MGAT5: variants seen among roughly 807,000 people sequenced by gnomAD.
MGAT5 encodes alpha-1,6-mannosylglycoprotein 6-beta-N-acetylglucosaminyltransferase A.
In MGAT5, 30 loss-of-function variants were observed where a neutral mutation model predicts 94.3. The observed-to-expected ratio is 0.32, with a 90% CI of 0.24 to 0.43. MGAT5 has a LOEUF of 0.43. Among genes scored for constraint, MGAT5 ranks in the 20% least tolerant of loss-of-function variants. MGAT5 has a pLI of 1.00. For missense variants in MGAT5, 691 were observed against 905.5 expected (o/e 0.76, Z 3.04); for synonymous variants, 310 against 322.9 (o/e 0.96, Z 0.43).
intron 1 of MGAT5, among the ~76,000 whole-genome samples, chr2:134,237,961 G>A (rs553054125): frequency 2.0e-5 from 3 of 152,028 alleles, no homozygotes; most frequent in Non-Finnish European, 4.4e-5. Context: ...ATGTTGGCCA[G>A]GCTGATCTCC....
chr2:134,313,259 G>T (rs1248819459), intron 2 of MGAT5, among the ~76,000 whole-genome samples: 1 of 152,138 alleles, frequency 6.6e-6, no homozygotes, highest in Non-Finnish European at 1.5e-5. Flanking sequence ...GCGTGTATTT[G>T]TGACATCTCG....
At chr2:134,327,030 T>A (rs1687685851) in intron 4 of MGAT5, among the ~76,000 whole-genome samples, 2 of 152,152 alleles carry the variant, frequency 1.3e-5, no homozygotes, top group Non-Finnish European at 2.9e-5. Context: ...TACAATGATG[T>A]CTGGCACATG....
At chr2:134,153,711 T>C (rs1687337943) in intron 1 of MGAT5, among the ~76,000 whole-genome samples, 1 of 152,188 alleles carries the variant, frequency 6.6e-6, no homozygotes, top group Non-Finnish European at 1.5e-5. Context: ...TAGGCCCTGC[T>C]GGGTGATTAA....
intron 10 of MGAT5, among the ~76,000 whole-genome samples, chr2:134,387,353 T>TTTA (rs397985933): frequency 7.5e-6 from 1 of 133,588 alleles, no homozygotes; most frequent in Non-Finnish European, 1.6e-5. Context: ...TTTTTTTTTT[T>TTTA]ACCAAACCAG....
intron 4 of MGAT5, among the ~76,000 whole-genome samples, chr2:134,319,213 T>C (rs1287282294): frequency 1.3e-5 from 2 of 152,200 alleles, no homozygotes; most frequent in Admixed American, 1.3e-4. Flanking sequence ...GGTAACTGTA[T>C]TGTTAATTTT....
chr2:134,248,529 G>T (rs1419214684), intron 1 of MGAT5, among the ~76,000 whole-genome samples: 2 of 152,202 alleles, frequency 1.3e-5, no homozygotes, highest in Non-Finnish European at 2.9e-5. Context: ...AAATTGGGTG[G>T]ACACAGTGAC....
chr2:134,418,377 A>G (rs557657834), intron 12 of MGAT5, among the ~76,000 whole-genome samples: 1 of 152,220 alleles, frequency 6.6e-6, no homozygotes, highest in Middle Eastern at 3.4e-3. Context: ...ATGTGACTCT[A>G]TTAGAGAAAC....
chr2:134,204,392 CTCTCAAGTTGACT>C (rs1679936736), intron 1 of MGAT5, among the ~76,000 whole-genome samples: 1 of 152,160 alleles, frequency 6.6e-6, no homozygotes, highest in Non-Finnish European at 1.5e-5. Context: ...TTAGCCAAGT[CTCTCAAGTTGACT>C]TGAGAGACTC....
At chr2:134,164,858 C>A (rs10191872) in intron 1 of MGAT5, among the ~76,000 whole-genome samples, 61,360 of 150,198 alleles carry the variant, frequency 0.41, 15,915 homozygotes, top group African/African-American at 0.73. Context: ...AAAACCAAAC[C>A]AAACAAAGCA....
At chr2:134,432,236 A>G (rs916519156) in intron 14 of MGAT5, among the ~76,000 whole-genome samples, 2 of 152,186 alleles carry the variant, frequency 1.3e-5, no homozygotes, top group Non-Finnish European at 2.9e-5. Flanking sequence ...CTTGAATTAT[A>G]TTTTCTGTTT....
At chr2:134,243,924 G>A (rs932026194) in intron 1 of MGAT5, among the ~76,000 whole-genome samples, 14 of 152,140 alleles carry the variant, frequency 9.2e-5, no homozygotes, top group African/African-American at 3.4e-4. Context: ...TTATCTTGAA[G>A]GCATTACCCA....
chr2:134,288,705 GATGT>G lies in MGAT5; in HGVS notation c.406+18160_406+18163del, dbSNP rs1215144493. Among the ~76,000 whole-genome samples, 9 of 152,266 alleles carry G rather than the reference GATGT, an allele frequency of 5.9e-5. No homozygotes were observed. In the East Asian group the frequency reaches 1.7e-3, roughly 29 times the overall value. On this transcript the variant is annotated intron_variant, in intron 2 of 15. Transcript: ENST00000281923. ...CAGTGGCAGTCATCTTCCTTCAAAT[GATGT>G]ATGTGAGTGTAATACCTCTGTCAGC...
chr2:134,427,068 G>A (rs907492534), intron 13 of MGAT5, among the ~76,000 whole-genome samples: 4 of 152,118 alleles, frequency 2.6e-5, no homozygotes, highest in South Asian at 2.1e-4. Flanking sequence ...TTTGGCATAC[G>A]AGAAAGGGGG....
At chr2:134,356,855 T>A (rs1432715610) in intron 9 of MGAT5, among the ~76,000 whole-genome samples, 1 of 152,118 alleles carries the variant, frequency 6.6e-6, no homozygotes, top group African/African-American at 2.4e-5. Context: ...GGTTTTTAAT[T>A]CAAATATCAT....
Position 134,283,459 on chromosome 2 carries a change from A to G in MGAT5, c.406+12909A>G, listed in dbSNP as rs1267177569. Among the ~76,000 whole-genome samples, 3 of 152,132 alleles carry G rather than the reference A, an allele frequency of 2.0e-5. No individual in the cohort carries two copies. The East Asian group carries it at 5.8e-4, about 29-fold the overall frequency. ...ATGTTAGAGGCACCAAATGGGGAGC[A>G]GGTTCTAGTCATTCATCAAAGAAGG... On this transcript the variant is annotated intron_variant, in intron 2 of 15. Transcript: ENST00000281923.
intron 2 of MGAT5, among the ~76,000 whole-genome samples, chr2:134,311,552 C>T (rs1686663665): frequency 6.6e-6 from 1 of 152,098 alleles, no homozygotes; most frequent in African/African-American, 2.4e-5. Context: ...TCTCTTGCAT[C>T]CACTCTCCTC....
At chr2:134,361,110 T>C (rs542263827) in intron 9 of MGAT5, among the ~76,000 whole-genome samples, 10 of 152,356 alleles carry the variant, frequency 6.6e-5, no homozygotes, top group African/African-American at 1.7e-4. Flanking sequence ...TCTGTCTGTC[T>C]GAAAGGATTT....
At chr2:134,388,848 A>G (rs1573991369) in intron 10 of MGAT5, among the ~76,000 whole-genome samples, 1 of 151,746 alleles carries the variant, frequency 6.6e-6, no homozygotes, top group Admixed American at 6.6e-5. Context: ...TGCAACCTCC[A>G]CCTCCCGGTT....
At chr2:134,236,148 C>G (rs1681628043) in intron 1 of MGAT5, among the ~76,000 whole-genome samples, 3 of 152,218 alleles carry the variant, frequency 2.0e-5, no homozygotes, top group Admixed American at 6.5e-5. Flanking sequence ...AGCTCTGCCC[C>G]TAGCCCTGTA....
Sources: allele counts gnomAD v4.1 joint callset (sites outside exome capture counted in the v4.1 genomes callset), GRCh38; gene constraint gnomAD v4.1.1; transcripts MANE v1.5; gene names NCBI Gene and HGNC (gene_info 2026-07-23, HGNC 2026-07-21).